The following LYRM4 variants were observed in gnomAD, a reference collection of about 807,000 sequenced individuals.
The protein encoded by LYRM4 is LYR motif-containing protein 4.
A neutral mutation model predicts 11.7 loss-of-function variants in LYRM4; 9 were observed. The ratio of observed to expected loss-of-function variants is 0.77; its 90% confidence interval spans 0.46 to 1.34. LYRM4 has a LOEUF of 1.34. LYRM4 is among the 40% of genes most tolerant of loss of function. The pLI is 0.00. For synonymous variants in LYRM4, 42 were observed against 40.4 expected (o/e 1.04, Z -0.15); for missense variants, 133 against 112.5 (o/e 1.18, Z -0.82).
At chr6:5,125,609 C>T (rs184919655) in intron 2 of LYRM4, among the ~76,000 whole-genome samples, 1 of 152,348 alleles carries the variant, frequency 6.6e-6, no homozygotes, top group African/African-American at 2.4e-5. Context: ...ATGGAGTTGC[C>T]ACAAGCCTGC....
chr6:5,257,536 C>A (rs780324486), intron 1 of LYRM4, among the ~76,000 whole-genome samples: 1 of 152,212 alleles, frequency 6.6e-6, no homozygotes, highest in African/African-American at 2.4e-5. Flanking sequence ...GGGTCCCCAA[C>A]CCATCAGTAC....
At chr6:5,202,339 C>T (rs1036770244) in intron 2 of LYRM4, among the ~76,000 whole-genome samples, 3 of 152,190 alleles carry the variant, frequency 2.0e-5, no homozygotes, top group Admixed American at 2.0e-4. Context: ...AGTCCAGAGA[C>T]AAACTGACAG....
At position 5,260,909 on chromosome 6, in the gene LYRM4, AG is replaced by A; in HGVS notation, c.-177del. 1 of 1,376,388 alleles carries A rather than the reference AG, an allele frequency of 7.3e-7. No homozygotes were observed. The highest frequency in any genetic ancestry group is 1.6e-5 in the South Asian group (1 of 61,880). The allele number at this position is 1,376,388 out of a possible 1,614,324, so 85.3% of individuals were successfully genotyped here. ...AGCCCTGCGGATCGCGGACGGCGCC[AG>A]GCGTCCCGCGCCGCTTCGGGGGCGG... On this transcript the variant is annotated 5_prime_UTR_variant, in exon 1 of 3. Transcript: ENST00000330636.
chr6:5,248,947 C>T (rs1040444995), intron 1 of LYRM4, among the ~76,000 whole-genome samples: 4 of 152,216 alleles, frequency 2.6e-5, no homozygotes, highest in Non-Finnish European at 5.9e-5. Flanking sequence ...CATATCAAAG[C>T]TACATATTAC....
intron 1 of LYRM4, among the ~76,000 whole-genome samples, chr6:5,236,962 G>C (rs888228177): frequency 6.6e-6 from 1 of 152,162 alleles, no homozygotes; most frequent in African/African-American, 2.4e-5. Context: ...CTCTTAAAAA[G>C]ACAATCTCTA....
At chr6:5,091,933 C>T in the LYRM4 span, among the ~76,000 whole-genome samples, 1 of 152,320 alleles carries the variant, frequency 6.6e-6, no homozygotes, top group African/African-American at 2.4e-5. Context: ...CCATTCCCAT[C>T]GTTGTCACTG....
chr6:5,172,079 G>C (rs1759461892), intron 2 of LYRM4, among the ~76,000 whole-genome samples: 1 of 152,104 alleles, frequency 6.6e-6, no homozygotes, highest in Admixed American at 6.5e-5. Flanking sequence ...AGAATGCAAA[G>C]AGTCAACACC....
At chr6:5,086,443 G>C in the LYRM4 span, 2 of 1,536,628 alleles carry the variant, frequency 1.3e-6, no homozygotes, top group Non-Finnish European at 1.7e-6. Flanking sequence ...GGACGCCGAC[G>C]AGCGCGGCGT....
chr6:5,244,950 T>A (rs1047829674), intron 1 of LYRM4, among the ~76,000 whole-genome samples: 1 of 150,982 alleles, frequency 6.6e-6, no homozygotes, highest in Admixed American at 6.6e-5. Flanking sequence ...CTGCTGAGGC[T>A]CATCCCCTGC....
chr6:5,183,384 TAGTC>T (rs1005786524), intron 2 of LYRM4, among the ~76,000 whole-genome samples: 185 of 152,306 alleles, frequency 1.2e-3, no homozygotes, highest in African/African-American at 4.2e-3. Flanking sequence ...TTTTTATCCT[TAGTC>T]AGTGAAAACA....
Position 5,256,490 on chromosome 6 carries a change from GGAAAAAAAAAAAAAAAAAAAAA to G in LYRM4, c.86+4136_86+4157del, listed in dbSNP as rs1472101779. Among the ~76,000 whole-genome samples, 17 of 37,520 alleles carry G rather than the reference GGAAAAAAAAAAAAAAAAAAAAA, an allele frequency of 4.5e-4. No individual in the cohort carries two copies. The South Asian group carries it at 0.011, about 25-fold the overall frequency. 24.6% of individuals were successfully genotyped at this position (37,520 alleles called of 152,430 possible). On this transcript the variant is annotated intron_variant, in intron 1 of 2. Transcript: ENST00000330636. The stretch of plus-strand genomic sequence containing the variant: ...GGGCAACAAGGGCAAGATTTCAACT[GGAAAAAAAAAAAAAAAAAAAAA>G]AAAAAAAAAAAAAAAAAAGAATGTG...
chr6:5,109,566 C>G (rs1373756005), intron 2 of LYRM4, 75 bp from the exon 3 acceptor site: 1 of 1,436,182 alleles, frequency 7.0e-7, no homozygotes, highest in Admixed American at 1.7e-5. Context: ...GGAACATTTC[C>G]TAACATTTCT....
At chr6:5,120,955 G>C (rs1256875869) in intron 2 of LYRM4, among the ~76,000 whole-genome samples, 2 of 152,198 alleles carry the variant, frequency 1.3e-5, no homozygotes, top group African/African-American at 4.8e-5. Flanking sequence ...CCTACCTGTG[G>C]AATTTCTCAT....
At chr6:5,111,689 C>A (rs1411593255) in intron 2 of LYRM4, among the ~76,000 whole-genome samples, 1 of 152,194 alleles carries the variant, frequency 6.6e-6, no homozygotes, top group African/African-American at 2.4e-5. Context: ...CCGTGTTGAT[C>A]CACATGTTCT....
At chr6:5,157,052 G>A (rs1430264240) in intron 2 of LYRM4, among the ~76,000 whole-genome samples, 2 of 152,060 alleles carry the variant, frequency 1.3e-5, no homozygotes, top group African/African-American at 2.4e-5. Flanking sequence ...TTCCCCCTTC[G>A]AGTCAGATAA....
At chr6:5,068,759 T>C in the LYRM4 span, among the ~76,000 whole-genome samples, 2 of 152,062 alleles carry the variant, frequency 1.3e-5, no homozygotes, top group African/African-American at 4.8e-5. This position sits in a 1 kb window ranked among gnomAD's most constrained non-coding sequence, Gnocchi z 4.0. Context: ...GTTGTGCACA[T>C]GTACCCTAGA....
At chr6:5,233,673 T>A (rs1159112006) in intron 1 of LYRM4, among the ~76,000 whole-genome samples, 1 of 152,236 alleles carries the variant, frequency 6.6e-6, no homozygotes, top group South Asian at 2.1e-4. Flanking sequence ...AGACAGGGTC[T>A]CTATGTTGCC....
chr6:5,126,893 T>G (rs575968182), intron 2 of LYRM4, among the ~76,000 whole-genome samples: 1 of 152,298 alleles, frequency 6.6e-6, no homozygotes, highest in East Asian at 1.9e-4. Flanking sequence ...TGAAAATGTT[T>G]TAAATTTGAT....
intron 2 of LYRM4, among the ~76,000 whole-genome samples, chr6:5,117,533 G>A (rs1036857847): frequency 2.0e-5 from 3 of 150,728 alleles, no homozygotes; most frequent in Non-Finnish European, 4.4e-5. Flanking sequence ...GTGACAGAGC[G>A]AGACTCTGTC....
Sources: allele counts gnomAD v4.1 joint callset (sites outside exome capture counted in the v4.1 genomes callset), GRCh38; gene constraint gnomAD v4.1.1; non-coding constraint Gnocchi (gnomAD v3.1); transcripts MANE v1.5; gene names NCBI Gene and HGNC (gene_info 2026-07-23, HGNC 2026-07-21).